The following SEMA3E variants were observed in gnomAD, a reference collection of about 807,000 sequenced individuals.
SEMA3E encodes semaphorin-3E.
In SEMA3E, 49 loss-of-function variants were observed where a neutral mutation model predicts 93.6. The ratio of observed to expected loss-of-function variants is 0.52; its 90% CI spans 0.42 to 0.66. The LOEUF (loss-of-function observed/expected upper bound fraction) is 0.66. Ranked by LOEUF, SEMA3E falls within the 30% of genes least tolerant of loss-of-function variation. The pLI, the probability that SEMA3E is intolerant of heterozygous loss-of-function variation, is 0.00. For synonymous variants in SEMA3E, 363 were observed against 330.7 expected, an observed-to-expected ratio of 1.10 and a Z score of -1.06; for missense variants, 906 against 964.8, an observed-to-expected ratio of 0.94 and a Z score of 0.81.
At chr7:83,558,543 G>A (rs1791965442) in intron 1 of SEMA3E, among the ~76,000 whole-genome samples, 4 of 152,004 alleles carry the variant, frequency 2.6e-5, no homozygotes, top group Admixed American at 1.3e-4. Context: ...AAGTACAGTT[G>A]TCAAATTATG....
intron 1 of SEMA3E, among the ~76,000 whole-genome samples, chr7:83,605,432 C>CTTTTTTT (rs984270674): frequency 6.8e-6 from 1 of 147,938 alleles, no homozygotes; most frequent in Non-Finnish European, 1.5e-5. Context: ...AATGTCCTCT[C>CTTTTTTT]TTTTTTTTTT....
At chr7:83,625,053 C>G (rs955570453) in intron 1 of SEMA3E, among the ~76,000 whole-genome samples, 2 of 152,126 alleles carry the variant, frequency 1.3e-5, no homozygotes, top group African/African-American at 4.8e-5. Context: ...GGTGTTATTT[C>G]TGAGGCCTCT....
chr7:83,644,124 G>A (rs902896397), intron 1 of SEMA3E, among the ~76,000 whole-genome samples: 17 of 151,620 alleles, frequency 1.1e-4, no homozygotes, highest in African/African-American at 4.1e-4. Context: ...TTATTTTCTT[G>A]TAAATGGAAT....
intron 4 of SEMA3E, among the ~76,000 whole-genome samples, chr7:83,419,475 A>C (rs1317694610): frequency 1.3e-5 from 2 of 152,130 alleles, no homozygotes; most frequent in Non-Finnish European, 2.9e-5. Context: ...GTCAAATGGT[A>C]ATTCTGTTTT....
intron 1 of SEMA3E, among the ~76,000 whole-genome samples, chr7:83,619,941 A>AGATAGATAGATAGATAGATAGATG (rs1191709674): frequency 1.3e-5 from 2 of 151,900 alleles, no homozygotes; most frequent in South Asian, 4.1e-4. Context: ...ATAGATAGAT[A>AGATAGATAGATAGATAGATAGATG]GATGCAAAAC....
At chr7:83,545,203 T>C (rs912932734) in intron 1 of SEMA3E, among the ~76,000 whole-genome samples, 1 of 152,068 alleles carries the variant, frequency 6.6e-6, no homozygotes, top group African/African-American at 2.4e-5. Flanking sequence ...ACGGGAGCCA[T>C]AATTGAATAA....
rs1382414587 is a variant in SEMA3E, at chr7:83,402,789, A to C, written c.999-13T>G. ...TCGAAAAATATTACTGAAAAATACAAAAAAGATAATTATTCTTCTGGAACT... is the reference window on the plus strand; with the variant it reads ...TCGAAAAATATTACTGAAAAATACACAAAAGATAATTATTCTTCTGGAACT... On this transcript the variant is annotated splice_polypyrimidine_tract_variant and intron_variant, in intron 9 of 16. Coordinates refer to ENST00000643230, the MANE Select transcript of SEMA3E (RefSeq NM_012431.3). 1.2e-6 allele frequency: 2 copies of C among 1,609,524 alleles called. No individual in the cohort carries two copies. Among genetic ancestry groups the C allele is most frequent in the Admixed American group, 3.3e-5 (2 of 59,718 alleles).
At chr7:83,515,293 GAAA>G (rs5885363) in intron 1 of SEMA3E, among the ~76,000 whole-genome samples, 3 of 135,238 alleles carry the variant, frequency 2.2e-5, no homozygotes, top group African/African-American at 2.8e-5. Context: ...CTTTTCTTAT[GAAA>G]AAAAAAAAAA....
chr7:83,537,134 C>A (rs1480138872), intron 1 of SEMA3E, among the ~76,000 whole-genome samples: 1 of 151,998 alleles, frequency 6.6e-6, no homozygotes, highest in Non-Finnish European at 1.5e-5. Flanking sequence ...CATCTGCAAG[C>A]AGGAAGACAG....
At chr7:83,539,864 T>TGTGTGC (rs1554336389) in intron 1 of SEMA3E, among the ~76,000 whole-genome samples, 10 of 137,066 alleles carry the variant, frequency 7.3e-5, no homozygotes, top group African/African-American at 2.1e-4. Flanking sequence ...TCTGTGTGTG[T>TGTGTGC]GTGTGTGTGT....
In SEMA3E at chr7:83,395,670, T is replaced by C. The variant is rs113790138; in HGVS notation, c.1458+968A>G. 2.0e-3 allele frequency among the ~76,000 whole-genome samples: 303 copies of C among 152,264 alleles called. 3 individuals carry two copies. Among genetic ancestry groups the C allele is most frequent in the African/African-American group, 6.7e-3 (279 of 41,542 alleles). ...CAAGATTTTCACATGTCTGTGCTTT[T>C]TGTTGATGTTTTGTTTTTAAAATGG... On this transcript the variant is annotated intron_variant, in intron 12 of 16. Transcript: ENST00000643230.
chr7:83,457,593 T>C (rs972970745), intron 4 of SEMA3E, among the ~76,000 whole-genome samples: 7 of 152,328 alleles, frequency 4.6e-5, no homozygotes, highest in Admixed American at 3.3e-4. Context: ...TCCTTTTCTT[T>C]CCTATTGCAA....
intron 2 of SEMA3E, 56 bp downstream of exon 2, chr7:83,490,058 C>A: frequency 6.4e-7 from 1 of 1,553,054 alleles, no homozygotes; most frequent in Non-Finnish European, 8.9e-7. Flanking sequence ...AAGTAACATT[C>A]TTGAAATTTC....
chr7:83,625,507 T>C (rs1184978333), intron 1 of SEMA3E, among the ~76,000 whole-genome samples: 2 of 151,900 alleles, frequency 1.3e-5, no homozygotes, highest in Non-Finnish European at 2.9e-5. Context: ...TTTGGCTCTC[T>C]GTCTAGTACT....
chr7:83,592,272 G>A (rs1792771349), intron 1 of SEMA3E, among the ~76,000 whole-genome samples: 1 of 151,912 alleles, frequency 6.6e-6, no homozygotes, highest in Non-Finnish European at 1.5e-5. Flanking sequence ...CTAAAATCTG[G>A]ACTGAAGCTA....
At chr7:83,623,519 G>A (rs1584371246) in intron 1 of SEMA3E, among the ~76,000 whole-genome samples, 1 of 151,692 alleles carries the variant, frequency 6.6e-6, no homozygotes, top group East Asian at 1.9e-4. Context: ...TATACGTTAT[G>A]ATTTTAGGCA....
chr7:83,396,146 C>T (rs978395983), intron 12 of SEMA3E, among the ~76,000 whole-genome samples: 2 of 151,580 alleles, frequency 1.3e-5, no homozygotes, highest in African/African-American at 4.8e-5. Context: ...CACACGTGCA[C>T]CTATGTATGT....
At chr7:83,473,525 T>C (rs1466168968) in intron 2 of SEMA3E, among the ~76,000 whole-genome samples, 1 of 152,248 alleles carries the variant, frequency 6.6e-6, no homozygotes, top group Non-Finnish European at 1.5e-5. Flanking sequence ...ATTGGCGGTA[T>C]TTTTTATTTA....
intron 1 of SEMA3E, among the ~76,000 whole-genome samples, chr7:83,602,449 C>G (rs1326179863): frequency 6.6e-6 from 1 of 151,800 alleles, no homozygotes; most frequent in East Asian, 1.9e-4. Flanking sequence ...CCTCATCTTA[C>G]CTAGAGAGGT....
Sources: allele counts gnomAD v4.1 joint callset (sites outside exome capture counted in the v4.1 genomes callset), GRCh38; gene constraint gnomAD v4.1.1; transcripts MANE v1.5; gene names NCBI Gene and HGNC (gene_info 2026-07-23, HGNC 2026-07-21).